STXBP4: variants seen among roughly 807,000 people sequenced by gnomAD.
STXBP4 encodes the protein syntaxin-binding protein 4.
A neutral mutation model predicts 76.1 loss-of-function variants in STXBP4; 55 were observed. That is an observed-to-expected ratio of 0.72 (90% CI 0.58 to 0.91). The LOEUF (loss-of-function observed/expected upper bound fraction) is 0.91, where lower values mean the gene tolerates loss of function less well. Ranked by LOEUF, STXBP4 falls within the 40% of genes least tolerant of loss-of-function variation. The pLI is 0.00. For missense variants in STXBP4, 618 were observed against 636.9 expected, an observed-to-expected ratio of 0.97 and a Z score of 0.32; for synonymous variants, 201 against 220.2, an observed-to-expected ratio of 0.91 and a Z score of 0.77.
intron 10 of STXBP4, among the ~76,000 whole-genome samples, chr17:55,041,228 CTTTTTTT>C (rs373020633): frequency 1.6e-5 from 2 of 122,234 alleles, no homozygotes; most frequent in African/African-American, 6.8e-5. Flanking sequence ...TTTATTTAAA[CTTTTTTT>C]TTTTTTTTTT....
At chr17:55,194,732 G>A in the STXBP4 span, among the ~76,000 whole-genome samples, 753 of 152,280 alleles carry the variant, frequency 4.9e-3, 11 homozygotes, top group African/African-American at 0.017. Context: ...GGCCATACCT[G>A]AACCCTGTCC....
At chr17:55,195,290 A>T in the STXBP4 span, among the ~76,000 whole-genome samples, 1 of 152,144 alleles carries the variant, frequency 6.6e-6, no homozygotes, top group Non-Finnish European at 1.5e-5. Flanking sequence ...ATCCAGAGCT[A>T]CTTTAAAGCA....
intron 16 of STXBP4, among the ~76,000 whole-genome samples, chr17:55,121,109 A>G (rs2079839089): frequency 6.6e-6 from 1 of 152,178 alleles, no homozygotes; most frequent in South Asian, 2.1e-4. Context: ...ACCTAGTATG[A>G]CTGAGGAAGA....
chr17:54,986,062 A>G (rs1000477959), intron 2 of STXBP4, 80 bp from the exon 3 acceptor site: 2 of 661,330 alleles, frequency 3.0e-6, no homozygotes, highest in Non-Finnish European at 5.4e-6. Context: ...CCAAGTGTAT[A>G]TAATGTTTTT....
At chr17:55,143,168 A>C (rs2080113537) in intron 17 of STXBP4, among the ~76,000 whole-genome samples, 1 of 152,204 alleles carries the variant, frequency 6.6e-6, no homozygotes, top group Non-Finnish European at 1.5e-5. Context: ...AATGCTCTTA[A>C]CAATGTGGAA....
downstream of STXBP4, among the ~76,000 whole-genome samples, chr17:55,174,341 T>C (rs146873975): frequency 1.4e-3 from 210 of 152,346 alleles, 1 homozygote; most frequent in African/African-American, 4.8e-3. Context: ...TCCATGCCCT[T>C]GTCAACACTT....
intron 17 of STXBP4, among the ~76,000 whole-genome samples, chr17:55,156,556 T>A: frequency 6.6e-6 from 1 of 152,202 alleles, no homozygotes; most frequent in Non-Finnish European, 1.5e-5. Flanking sequence ...TGCCAGGCAC[T>A]TCACATGCAT....
At chr17:55,022,253 T>G (rs2078325769) in intron 8 of STXBP4, among the ~76,000 whole-genome samples, 1 of 152,120 alleles carries the variant, frequency 6.6e-6, no homozygotes, top group Non-Finnish European at 1.5e-5. Flanking sequence ...ATTTCTCTAA[T>G]CATGAAAACA....
intron 16 of STXBP4, among the ~76,000 whole-genome samples, chr17:55,094,562 G>T (rs952278358): frequency 6.6e-6 from 1 of 152,026 alleles, no homozygotes; most frequent in Non-Finnish European, 1.5e-5. Context: ...CCTGAAATTC[G>T]GTGTTAATTT....
chr17:55,158,918 T>C (rs1030374515), intron 17 of STXBP4, among the ~76,000 whole-genome samples: 4 of 152,224 alleles, frequency 2.6e-5, no homozygotes, highest in African/African-American at 9.6e-5. Flanking sequence ...TAATAAGAGT[T>C]AACTTCTCAT....
At chr17:55,092,471 G>A (rs970841860) in intron 16 of STXBP4, among the ~76,000 whole-genome samples, 1 of 151,928 alleles carries the variant, frequency 6.6e-6, no homozygotes, top group Non-Finnish European at 1.5e-5. Context: ...AAAATCTTTG[G>A]CATATTATTT....
chr17:54,990,452 G>C (rs1338415889), intron 3 of STXBP4, among the ~76,000 whole-genome samples: 3 of 152,172 alleles, frequency 2.0e-5, no homozygotes, highest in Non-Finnish European at 2.9e-5. Context: ...GAATCTAGTG[G>C]CTGGTGATCT....
rs367608493 is a variant in STXBP4 at position 55,072,849 on chromosome 17, G to A, written c.1012-51G>A. 22 of 1,483,834 alleles carry A rather than the reference G, an allele frequency of 1.5e-5. No homozygotes were observed. In the East Asian group the frequency reaches 2.6e-4, roughly 18 times the overall value. 91.9% of individuals were successfully genotyped at this position (1,483,834 alleles called of 1,614,324 possible). A position where few individuals can be genotyped will look rare whatever the true frequency, so the allele number is the denominator to read the frequency against. The stretch of plus-strand genomic sequence containing the variant: ...AAGGAAAATATTTTGTATAAACCTC[G>A]GAACTATTTCTTATGTATTTTTTAA... On this transcript the variant is annotated intron_variant, in intron 12 of 17. Transcript: ENST00000376352.
intron 16 of STXBP4, among the ~76,000 whole-genome samples, chr17:55,103,813 T>A (rs183660055): frequency 1.5e-4 from 23 of 152,110 alleles, no homozygotes; most frequent in African/African-American, 5.6e-4. Flanking sequence ...CCTTGAGCAG[T>A]TTGTAGTTTT....
At chr17:55,194,404 G>A in the STXBP4 span, among the ~76,000 whole-genome samples, 72 of 152,036 alleles carry the variant, frequency 4.7e-4, no homozygotes, top group African/African-American at 1.6e-3. Context: ...ACACTATTCC[G>A]GAACAAGGGA....
intron 12 of STXBP4, among the ~76,000 whole-genome samples, chr17:55,070,931 G>A (rs2079111515): frequency 6.6e-6 from 1 of 151,964 alleles, no homozygotes; most frequent in Admixed American, 6.6e-5. Flanking sequence ...TTACCCCTTT[G>A]TATTTTTGTC....
intron 1 of STXBP4, 71 bp downstream of exon 1, chr17:54,968,886 G>C (rs988884572): frequency 2.2e-6 from 1 of 463,756 alleles, no homozygotes; most frequent in Non-Finnish European, 3.9e-6. Flanking sequence ...TTAACATTTA[G>C]GAAAATGCGT....
chr17:55,042,457 A>G (rs1246759342), intron 10 of STXBP4, among the ~76,000 whole-genome samples: 2 of 152,064 alleles, frequency 1.3e-5, no homozygotes, highest in Admixed American at 6.6e-5. Context: ...ACCTATCTAA[A>G]GGGCCCTGCT....
chr17:55,123,823 C>A (rs2079874282), intron 16 of STXBP4, among the ~76,000 whole-genome samples: 1 of 151,902 alleles, frequency 6.6e-6, no homozygotes, highest in South Asian at 2.1e-4. Flanking sequence ...TCGCTTGAAC[C>A]CAGGAGGCAG....
Sources: gnomAD v4.1 joint callset for allele counts (sites outside exome capture counted in the v4.1 genomes callset) on GRCh38, gnomAD v4.1.1 for gene constraint, MANE v1.5 for transcripts, NCBI Gene and HGNC (gene_info 2026-07-23, HGNC 2026-07-21) for gene names.